INPP4B: variants seen among roughly 807,000 people sequenced by gnomAD.
The protein encoded by INPP4B is inositol polyphosphate-4-phosphatase type II B.
In INPP4B, 55 loss-of-function variants were observed where a neutral mutation model predicts 122.5. The observed-to-expected ratio is 0.45, with a 90% CI of 0.36 to 0.56. The LOEUF (loss-of-function observed/expected upper bound fraction) is 0.56, where lower values mean the gene tolerates loss of function less well. Among genes scored for constraint, INPP4B ranks in the 20% least tolerant of loss-of-function variants. The pLI is 0.00. For missense variants in INPP4B, 1,000 were observed against 1,097.7 expected (o/e 0.91, Z 1.26); for synonymous variants, 403 against 388.7 (o/e 1.04, Z -0.43).
intron 7 of INPP4B, among the ~76,000 whole-genome samples, chr4:142,360,519 C>T (rs181483640): frequency 2.9e-4 from 44 of 151,992 alleles, no homozygotes; most frequent in African/African-American, 7.7e-4. Flanking sequence ...TTATTTCCAA[C>T]GACTACTTCA....
chr4:142,598,486 T>G (rs1246736599), intron 2 of INPP4B, among the ~76,000 whole-genome samples: 1 of 151,996 alleles, frequency 6.6e-6, no homozygotes, highest in Non-Finnish European at 1.5e-5. Context: ...ATCCTGTAAG[T>G]CCCCATTGAC....
At chr4:142,705,672 G>A (rs1762392455) in intron 2 of INPP4B, among the ~76,000 whole-genome samples, 1 of 152,002 alleles carries the variant, frequency 6.6e-6, no homozygotes, top group South Asian at 2.1e-4. Flanking sequence ...ACTCATTCAC[G>A]GTGCTACTTT....
At chr4:142,210,817 G>T (rs770544024) in intron 12 of INPP4B, among the ~76,000 whole-genome samples, 1 of 152,062 alleles carries the variant, frequency 6.6e-6, no homozygotes, top group Non-Finnish European at 1.5e-5. Flanking sequence ...AGTAAAGGGG[G>T]GATGACGAGG....
intron 3 of INPP4B, among the ~76,000 whole-genome samples, chr4:142,438,977 A>G (rs962728780): frequency 1.3e-5 from 2 of 152,204 alleles, no homozygotes; most frequent in East Asian, 3.8e-4. Flanking sequence ...TCTATAGATG[A>G]GTTAAACCTT....
intron 7 of INPP4B, among the ~76,000 whole-genome samples, chr4:142,394,643 C>G (rs1157630422): frequency 1.3e-5 from 2 of 152,032 alleles, no homozygotes. Flanking sequence ...TATGCAGGTC[C>G]TTTGCCAATT....
chr4:142,770,623 A>G (rs1410711410), intron 1 of INPP4B, among the ~76,000 whole-genome samples: 1 of 152,040 alleles, frequency 6.6e-6, no homozygotes, highest in African/African-American at 2.4e-5. Context: ...CCCCAATCTC[A>G]GTTTTAAAAG....
At chr4:142,475,574 C>T (rs182655540) in intron 2 of INPP4B, among the ~76,000 whole-genome samples, 36 of 152,014 alleles carry the variant, frequency 2.4e-4, no homozygotes, top group African/African-American at 8.2e-4. Context: ...AGAAGAAACC[C>T]AATTCAATGA....
chr4:142,742,589 G>A (rs1055296285), intron 1 of INPP4B, among the ~76,000 whole-genome samples: 1 of 151,886 alleles, frequency 6.6e-6, no homozygotes, highest in Non-Finnish European at 1.5e-5. Context: ...TTAAGACTCT[G>A]TTCTTAAACT....
intron 2 of INPP4B, among the ~76,000 whole-genome samples, chr4:142,692,664 A>T (rs147488966): frequency 6.6e-6 from 1 of 152,206 alleles, no homozygotes; most frequent in Non-Finnish European, 1.5e-5. Flanking sequence ...CCTGCTTTAC[A>T]TTCCTTCTGG....
chr4:142,591,239 C>G (rs567741692), intron 2 of INPP4B, among the ~76,000 whole-genome samples: 1 of 151,798 alleles, frequency 6.6e-6, no homozygotes, highest in Non-Finnish European at 1.5e-5. Context: ...GAGCTAAGAT[C>G]GAGCCACCGC....
chr4:142,833,653 G>T (rs115398666), intron 1 of INPP4B, among the ~76,000 whole-genome samples: 3 of 151,580 alleles, frequency 2.0e-5, no homozygotes, highest in African/African-American at 4.8e-5. Context: ...TAAAGACAGG[G>T]TATTGCTATG....
At chr4:142,643,019 A>T (rs962327155) in intron 2 of INPP4B, among the ~76,000 whole-genome samples, 3 of 152,000 alleles carry the variant, frequency 2.0e-5, no homozygotes, top group Admixed American at 6.6e-5. Flanking sequence ...TATTTTATTC[A>T]CTTTGAAGCA....
intron 2 of INPP4B, among the ~76,000 whole-genome samples, chr4:142,523,463 T>A (rs1826373085): frequency 6.6e-6 from 1 of 152,012 alleles, no homozygotes; most frequent in Non-Finnish European, 1.5e-5. Flanking sequence ...CAGTTATAGG[T>A]TTTATTTTGC....
intron 2 of INPP4B, among the ~76,000 whole-genome samples, chr4:142,592,637 C>T (rs1042789669): frequency 6.6e-6 from 1 of 152,036 alleles, no homozygotes. Context: ...GAAATATTTT[C>T]TTTAAATATT....
At chr4:142,310,779 A>G (rs1765243162) in intron 8 of INPP4B, among the ~76,000 whole-genome samples, 1 of 152,066 alleles carries the variant, frequency 6.6e-6, no homozygotes, top group Non-Finnish European at 1.5e-5. Flanking sequence ...TGAAAAATAC[A>G]TCAAAAAGAA....
intron 25 of INPP4B, among the ~76,000 whole-genome samples, chr4:142,036,993 T>A (rs2152308182): frequency 6.6e-6 from 1 of 152,316 alleles, no homozygotes; most frequent in Admixed American, 6.5e-5. Context: ...AGTAACTTCC[T>A]CACTAGGAGA....
chr4:142,651,776 T>C (rs1753012932), intron 2 of INPP4B, among the ~76,000 whole-genome samples: 1 of 152,134 alleles, frequency 6.6e-6, no homozygotes. Context: ...GATTCACAGC[T>C]GAAATCTATG....
chr4:142,368,749 A>G (rs961381228), intron 7 of INPP4B, among the ~76,000 whole-genome samples: 1 of 152,146 alleles, frequency 6.6e-6, no homozygotes, highest in Non-Finnish European at 1.5e-5. Flanking sequence ...AGAGTTGCAC[A>G]GGAAATAATG....
Position 142,347,861 on chromosome 4 carries a change from G to T in INPP4B, c.373-33099C>A, listed in dbSNP as rs1418780857. ...TAAAAATGTTGAAATGGGTCAAACT[G>T]CTCCCACCTCAAAGCTAAAGATTCC... On this transcript the variant is annotated intron_variant, in intron 7 of 25. Coordinates refer to ENST00000262992, the MANE Select transcript of INPP4B (RefSeq NM_001101669.3). 2.0e-5 allele frequency among the ~76,000 whole-genome samples: 3 copies of T among 151,906 alleles called. No individual in the cohort carries two copies. The East Asian group carries it at 5.8e-4, about 29-fold the overall frequency.
Sources: allele counts gnomAD v4.1 joint callset (sites outside exome capture counted in the v4.1 genomes callset), GRCh38; gene constraint gnomAD v4.1.1; transcripts MANE v1.5; gene names NCBI Gene and HGNC (gene_info 2026-07-23, HGNC 2026-07-21).